Variants in UTRN observed in about 807,000 individuals in gnomAD.
UTRN encodes dystrophin-related protein 1.
In UTRN, 283 loss-of-function variants were observed where a neutral mutation model predicts 463.9. The observed-to-expected ratio is 0.61, with a 90% confidence interval of 0.55 to 0.67. UTRN has a LOEUF of 0.67. Ranked by LOEUF, UTRN falls within the 30% of genes least tolerant of loss-of-function variation. UTRN has a pLI of 0.00. For missense variants in UTRN, 3,922 were observed against 4,084.3 expected (o/e 0.96, Z 1.08); for synonymous variants, 1,442 against 1,431.5 (o/e 1.01, Z -0.17).
intron 2 of UTRN, among the ~76,000 whole-genome samples, chr6:144,359,358 C>T (rs1584430947): frequency 6.6e-6 from 1 of 152,222 alleles, no homozygotes; most frequent in Admixed American, 6.5e-5. Flanking sequence ...GTCAGTAGAA[C>T]AGCCTGGCAC....
At chr6:144,456,694 A>G (rs996387880) in intron 19 of UTRN, among the ~76,000 whole-genome samples, 1 of 148,898 alleles carries the variant, frequency 6.7e-6, no homozygotes, top group Non-Finnish European at 1.5e-5. Flanking sequence ...AATAATAATA[A>G]TAAATAAAAT....
intron 51 of UTRN, among the ~76,000 whole-genome samples, chr6:144,604,656 G>A (rs1042791413): frequency 6.6e-6 from 1 of 152,052 alleles, no homozygotes; most frequent in Admixed American, 6.6e-5. Context: ...ACTCATGCTT[G>A]TAATCCCAGC....
intron 51 of UTRN, among the ~76,000 whole-genome samples, chr6:144,604,420 G>A (rs911710203): frequency 1.3e-5 from 2 of 152,228 alleles, no homozygotes; most frequent in Non-Finnish European, 1.5e-5. Flanking sequence ...ATTCTAGGCC[G>A]ATCTGCAAGA....
At chr6:144,549,817 A>G (rs1356396581) in intron 47 of UTRN, among the ~76,000 whole-genome samples, 2 of 152,236 alleles carry the variant, frequency 1.3e-5, no homozygotes, top group Non-Finnish European at 2.9e-5. Context: ...ATTAAGAAAT[A>G]CAGTGTGAAA....
intron 54 of UTRN, among the ~76,000 whole-genome samples, chr6:144,737,370 A>G (rs1789541882): frequency 6.6e-6 from 1 of 152,214 alleles, no homozygotes; most frequent in Non-Finnish European, 1.5e-5. Context: ...TCTGACAGCA[A>G]TGAGGAGAAA....
intron 2 of UTRN, among the ~76,000 whole-genome samples, chr6:144,342,748 A>G (rs944261147): frequency 1.3e-5 from 2 of 152,254 alleles, no homozygotes; most frequent in Admixed American, 1.3e-4. Flanking sequence ...TGATGGTTGT[A>G]GAATTCTTTG....
chr6:144,836,547 G>T lies in UTRN; in HGVS notation c.10065+6G>T, dbSNP rs758378535. The T allele has an allele frequency of 2.5e-6, 4 of 1,612,944 alleles. No individual in the cohort carries two copies. Among genetic ancestry groups the T allele is most frequent in the Non-Finnish European group, 2.5e-6 (3 of 1,179,868 alleles). On this transcript the variant is annotated splice_donor_region_variant and intron_variant, in intron 71 of 74. Transcript: ENST00000367545. ...TCCGACAGCTGCTGGAGCAGGTAGGGTGTGTAGAATTCAGCGTCACACCTC... is the reference window on the plus strand; with the variant it reads ...TCCGACAGCTGCTGGAGCAGGTAGGTTGTGTAGAATTCAGCGTCACACCTC...
At chr6:144,616,973 C>G (rs983809307) in intron 51 of UTRN, among the ~76,000 whole-genome samples, 1 of 152,134 alleles carries the variant, frequency 6.6e-6, no homozygotes. Context: ...AATCCGTGAG[C>G]AGAAATCTAT....
At chr6:144,421,331 T>TGC in intron 3 of UTRN, among the ~76,000 whole-genome samples, 1 of 152,284 alleles carries the variant, frequency 6.6e-6, no homozygotes, top group East Asian at 1.9e-4. Context: ...ATGCAATTTA[T>TGC]TTCAGCTTAA....
intron 51 of UTRN, among the ~76,000 whole-genome samples, chr6:144,642,867 G>T (rs1001545783): frequency 6.6e-6 from 1 of 152,062 alleles, no homozygotes; most frequent in Non-Finnish European, 1.5e-5. Context: ...TTCTCAAATA[G>T]ATTTTACATA....
intron 73 of UTRN, 74 bp downstream of exon 73, chr6:144,840,906 G>A (rs1781519221): frequency 1.3e-5 from 20 of 1,507,032 alleles, no homozygotes; most frequent in South Asian, 8.0e-5. Context: ...GCGGCCCTTC[G>A]CCTTCTTCCT....
intron 2 of UTRN, among the ~76,000 whole-genome samples, chr6:144,302,740 G>A (rs1428895222): frequency 6.6e-6 from 1 of 152,192 alleles, no homozygotes; most frequent in Non-Finnish European, 1.5e-5. Context: ...AGGATGTCTT[G>A]CTTTGGTTGG....
chr6:144,295,688 C>T (rs1185559129), intron 2 of UTRN, among the ~76,000 whole-genome samples: 1 of 152,228 alleles, frequency 6.6e-6, no homozygotes, highest in Admixed American at 6.5e-5. Flanking sequence ...TCTGTTTGCA[C>T]ACCTCCAATG....
At chr6:144,406,597 C>T (rs941438199) in intron 3 of UTRN, among the ~76,000 whole-genome samples, 52 of 152,206 alleles carry the variant, frequency 3.4e-4, no homozygotes, top group African/African-American at 1.2e-3. Flanking sequence ...AAACTCCTGA[C>T]CTCAAGTGAT....
chr6:144,533,410 T>C (rs1278301546), intron 43 of UTRN, 150 bp downstream of exon 43: 3 of 1,363,446 alleles, frequency 2.2e-6, no homozygotes, highest in Non-Finnish European at 2.9e-6. Context: ...CGTTCTCCCT[T>C]CCTGTATTTT....
intron 51 of UTRN, among the ~76,000 whole-genome samples, chr6:144,608,028 T>A (rs1585538335): frequency 6.6e-6 from 1 of 152,218 alleles, no homozygotes; most frequent in Non-Finnish European, 1.5e-5. Context: ...CTAATGTGAT[T>A]GTTAATTTTG....
chr6:144,331,412 T>C (rs1776324197), intron 2 of UTRN, among the ~76,000 whole-genome samples: 1 of 152,158 alleles, frequency 6.6e-6, no homozygotes, highest in Admixed American at 6.5e-5. Context: ...TGAAAGTTAT[T>C]CCATCACTTC....
intron 51 of UTRN, among the ~76,000 whole-genome samples, chr6:144,657,102 T>A (rs1312819213): frequency 6.6e-6 from 1 of 151,944 alleles, no homozygotes; most frequent in Non-Finnish European, 1.5e-5. Context: ...AATACAAAAT[T>A]AGCCAGGCGT....
intron 66 of UTRN, among the ~76,000 whole-genome samples, chr6:144,822,248 G>T (rs1180139583): frequency 6.6e-6 from 1 of 152,012 alleles, no homozygotes; most frequent in Admixed American, 6.6e-5. Flanking sequence ...CTAAATTTAT[G>T]TACCAGTTTA....
Sources: allele counts gnomAD v4.1 joint callset (sites outside exome capture counted in the v4.1 genomes callset), GRCh38; gene constraint gnomAD v4.1.1; transcripts MANE v1.5; gene names NCBI Gene and HGNC (gene_info 2026-07-23, HGNC 2026-07-21).